ADCY5: variants seen among roughly 807,000 people sequenced by gnomAD.
ADCY5 encodes adenylate cyclase 5.
In ADCY5, 30 loss-of-function variants were observed where a neutral mutation model predicts 119.7. That is an observed-to-expected ratio of 0.25 (90% CI 0.19 to 0.34). ADCY5 has a LOEUF of 0.34. Ranked by LOEUF, ADCY5 falls within the 10% of genes least tolerant of loss-of-function variation. The pLI, the probability that ADCY5 is intolerant of heterozygous loss-of-function variation, is 1.00. For synonymous variants in ADCY5, 753 were observed against 762.2 expected (o/e 0.99, Z 0.20); for missense variants, 1,324 against 1,775.2 (o/e 0.75, Z 4.57).
At chr3:123,402,190 T>C (rs114874455) in intron 1 of ADCY5, among the ~76,000 whole-genome samples, 1,697 of 152,288 alleles carry the variant, frequency 0.011, 41 homozygotes, top group African/African-American at 0.039. Context: ...GGTTCCAACA[T>C]GTTAAAGAGA....
intron 12 of ADCY5, among the ~76,000 whole-genome samples, chr3:123,305,861 T>C (rs1488296894): frequency 6.6e-6 from 1 of 152,102 alleles, no homozygotes; most frequent in African/African-American, 2.4e-5. Context: ...CAAAGATGGA[T>C]AGATCACAGG....
chr3:123,409,187 C>T (rs1944982537), intron 1 of ADCY5, among the ~76,000 whole-genome samples: 1 of 152,130 alleles, frequency 6.6e-6, no homozygotes, highest in South Asian at 2.1e-4. Flanking sequence ...AATCTGCTCC[C>T]CATCTGACCT....
chr3:123,344,101 C>T (rs1406406920), intron 3 of ADCY5, among the ~76,000 whole-genome samples: 1 of 152,220 alleles, frequency 6.6e-6, no homozygotes, highest in East Asian at 1.9e-4. Flanking sequence ...GTGGTGGCCC[C>T]TGCCTGACAC....
In ADCY5 at chr3:123,447,460, C is replaced by T. The variant is rs951822036; in HGVS notation, c.1086G>A (p.Leu362=). The T allele has an allele frequency of 1.2e-6, 2 of 1,609,324 alleles. No homozygotes were observed. The highest frequency in any genetic ancestry group is 1.1e-5 in the South Asian group (1 of 90,392). ...GGGCGTTGGTGCGCAGGGCGATGGC[C>T]AGGTGGAGGGCGGACAGGAGCACCC... ...LSGVLLSALH[L]AIALRTNAQD... The change falls in exon 1 of 21, where the codon CTG becomes CTA. Residue 362 remains leucine (L), a synonymous_variant. Coordinates refer to ENST00000462833, the MANE Select transcript of ADCY5 (RefSeq NM_183357.3).
At chr3:123,328,620 A>C in intron 6 of ADCY5, 24 bp downstream of exon 6, 1 of 1,611,394 alleles carries the variant, frequency 6.2e-7, no homozygotes, top group Non-Finnish European at 8.5e-7. Flanking sequence ...TCGGGGCCCC[A>C]AGCCACCCAC....
At chr3:123,371,394 T>C (rs965781028) in intron 1 of ADCY5, among the ~76,000 whole-genome samples, 6 of 152,358 alleles carry the variant, frequency 3.9e-5, no homozygotes, top group African/African-American at 1.4e-4. Context: ...CCACTGCCTA[T>C]CTAGGTTTAG....
intron 1 of ADCY5, among the ~76,000 whole-genome samples, chr3:123,390,131 C>T (rs376674499): frequency 5.3e-5 from 8 of 152,224 alleles, no homozygotes; most frequent in African/African-American, 1.9e-4. Context: ...GCTGGACAGA[C>T]ACTTTGGGCC....
At position 123,283,745 on chromosome 3, in the gene ADCY5, TC is replaced by T. The variant is rs1350761855; in HGVS notation, c.*862del. 6.6e-6 allele frequency: 1 copy of T among 151,992 alleles called. No individual in the cohort carries two copies. 9.4% of individuals were successfully genotyped at this position (151,992 alleles called of 1,614,324 possible). On this transcript the variant is annotated 3_prime_UTR_variant, in exon 21 of 21. Transcript: ENST00000462833. ...CCCGCCCTGCTGTGCACAGCTGTTT[TC>T]TAATATAGAGAATTTACAAAATATA...
intron 16 of ADCY5, 119 bp from the exon 17 acceptor site, chr3:123,296,335 T>C: frequency 8.5e-7 from 1 of 1,182,562 alleles, no homozygotes; most frequent in Non-Finnish European, 1.2e-6. Context: ...CTTCCCCTCT[T>C]CCTTATCCCC....
intron 10 of ADCY5, among the ~76,000 whole-genome samples, chr3:123,318,618 G>T (rs1254988627): frequency 6.6e-6 from 1 of 152,194 alleles, no homozygotes; most frequent in African/African-American, 2.4e-5. Flanking sequence ...ACTGATGGAG[G>T]TTGGGCTGGC....
At chr3:123,359,905 C>T (rs1943187246) in intron 1 of ADCY5, among the ~76,000 whole-genome samples, 1 of 152,152 alleles carries the variant, frequency 6.6e-6, no homozygotes, top group Non-Finnish European at 1.5e-5. Context: ...ATTTGTCTTA[C>T]ACAGTGGTGG....
intron 1 of ADCY5, among the ~76,000 whole-genome samples, chr3:123,358,548 T>C (rs1389335721): frequency 6.6e-6 from 1 of 152,138 alleles, no homozygotes; most frequent in Non-Finnish European, 1.5e-5. Context: ...TGCAGTGAGC[T>C]ATGACCATAC....
intron 1 of ADCY5, chr3:123,404,114 G>A (rs1277669944): frequency 2.6e-5 from 4 of 152,222 alleles, no homozygotes; most frequent in Non-Finnish European, 5.9e-5. Context: ...TGCCCCCCAG[G>A]AAACATTTAA....
At chr3:123,382,888 C>G (rs985395254) in intron 1 of ADCY5, among the ~76,000 whole-genome samples, 2 of 152,122 alleles carry the variant, frequency 1.3e-5, no homozygotes, top group African/African-American at 4.8e-5. Flanking sequence ...CACTTAAAAA[C>G]GGTTACAAGA....
At chr3:123,325,584 C>CA in intron 7 of ADCY5, 122 bp from the exon 8 acceptor site, 1 of 1,308,300 alleles carries the variant, frequency 7.6e-7, no homozygotes, top group Non-Finnish European at 1.1e-6. Flanking sequence ...CCTCTCTGCA[C>CA]AGCCCTGGAG....
chr3:123,394,430 ACAAAGTAGC>A lies in ADCY5; in HGVS notation c.1135-41858_1135-41850del, dbSNP rs1202402985. On this transcript the variant is annotated intron_variant, in intron 1 of 20. Transcript: ENST00000462833. ...AATAGCCAAAAAGGCATCTGATGGG[ACAAAGTAGC>A]TGTCACTTAGACTCCACACTCACAT... Among the ~76,000 whole-genome samples, 18 of 152,300 alleles carry A rather than the reference ACAAAGTAGC, an allele frequency of 1.2e-4. No homozygotes were observed. The East Asian group carries it at 3.1e-3, about 26-fold the overall frequency.
At chr3:123,295,919 C>T (rs1369474389) in intron 17 of ADCY5, among the ~76,000 whole-genome samples, 165 bp downstream of exon 17, 4 of 152,174 alleles carry the variant, frequency 2.6e-5, no homozygotes, top group African/African-American at 9.7e-5. Context: ...GGGAGCAGAC[C>T]CACGGGGACA....
chr3:123,288,030 G>A (rs909546541), intron 19 of ADCY5, among the ~76,000 whole-genome samples: 2 of 152,254 alleles, frequency 1.3e-5, no homozygotes, highest in African/African-American at 4.8e-5. Context: ...CCAAGAGTGC[G>A]TGACGTTAAT....
rs956718156 is a variant in ADCY5 at position 123,448,352 on chromosome 3, T to C, written c.194A>G (p.Gln65Arg). 7 of 1,516,620 alleles carry C rather than the reference T, an allele frequency of 4.6e-6. No individual in the cohort carries two copies. The highest frequency in any genetic ancestry group is 1.2e-5 in the South Asian group (1 of 82,324). The allele number at this position is 1,516,620 out of a possible 1,614,324, so 93.9% of individuals were successfully genotyped here. A position where few individuals can be genotyped will look rare whatever the true frequency, so the allele number is the denominator to read the frequency against. Reference protein sequence around the residue: ...KKPGGAVTPQQQQRLASRWRS... With the variant: ...KKPGGAVTPQRQQRLASRWRS... ...CCAGCGGCTGGCCAGGCGCTGCTGC[T>C]GCTGCGGGGTCACCGCCCCCCCGGG... The change falls in exon 1 of 21, where the codon CAG becomes CGG. Residue 65 changes from glutamine to arginine, a missense_variant. Physicochemically the swap from Gln to Arg is conservative, Grantham distance 43. Coordinates refer to ENST00000462833, the MANE Select transcript of ADCY5 (RefSeq NM_183357.3).
Sources: allele counts gnomAD v4.1 joint callset (sites outside exome capture counted in the v4.1 genomes callset), GRCh38; gene constraint gnomAD v4.1.1; transcripts MANE v1.5; gene names NCBI Gene and HGNC (gene_info 2026-07-23, HGNC 2026-07-21).